The following DSG3 variants were observed in gnomAD, a reference collection of about 807,000 sequenced individuals.
DSG3 encodes desmoglein 3.
Under a neutral mutation model 85.9 loss-of-function variants are expected in DSG3, and 63 were observed. The ratio of observed to expected loss-of-function variants is 0.73; its 90% CI spans 0.60 to 0.90. DSG3 has a LOEUF of 0.90. DSG3 is among the 40% of genes least tolerant of loss of function. The probability of loss-of-function intolerance (pLI) is 0.00; values close to 1 mark genes in which losing one functional copy is unlikely to be tolerated. For missense variants in DSG3, 1,220 were observed against 1,219.9 expected (o/e 1.00, Z 0.00); for synonymous variants, 447 against 441.9 (o/e 1.01, Z -0.14).
chr18:31,476,165 A>T lies in DSG3; in HGVS notation c.2905A>T (p.Ile969Phe), dbSNP rs781097636. ...VIVTERVICP[I>F]SSVPGNLAGP... ...AGTGACAGAAAGGGTGATCTGTCCC[A>T]TTTCCAGTGTTCCTGGCAACCTAGC... is the stretch of plus-strand genomic sequence containing the variant. The change falls in exon 16 of 16, where the codon ATT becomes TTT. Residue 969 changes from isoleucine (I) to phenylalanine (F), a missense_variant. Coordinates refer to ENST00000257189, the MANE Select transcript of DSG3 (RefSeq NM_001944.3). The T allele has an allele frequency of 3.1e-6, 5 of 1,614,144 alleles. No homozygotes were observed. In the East Asian group the frequency reaches 1.1e-4, roughly 36 times the overall value.
At chr18:31,463,071 A>T (rs2072796016) in intron 8 of DSG3, among the ~76,000 whole-genome samples, 2 of 152,178 alleles carry the variant, frequency 1.3e-5, no homozygotes, top group African/African-American at 4.8e-5. Flanking sequence ...GCCCTTTAAG[A>T]TGAAATTCAC....
intron 12 of DSG3, among the ~76,000 whole-genome samples, chr18:31,470,108 CA>C (rs2072846851): frequency 6.6e-6 from 1 of 151,962 alleles, no homozygotes; most frequent in Non-Finnish European, 1.5e-5. Flanking sequence ...TCATATAAAT[CA>C]AATAGTATTT....
At chr18:31,472,595 G>A (rs1598786968) in intron 13 of DSG3, 130 bp from the exon 14 acceptor site, 1 of 1,264,082 alleles carries the variant, frequency 7.9e-7, no homozygotes, top group Non-Finnish European at 1.1e-6. Context: ...TCACAGAAAT[G>A]GTTATCGCTG....
At chr18:31,461,901 T>C (rs1208602383) in intron 8 of DSG3, among the ~76,000 whole-genome samples, 1 of 152,228 alleles carries the variant, frequency 6.6e-6, no homozygotes, top group Admixed American at 6.5e-5. Context: ...GAACAAAATC[T>C]GCAAAATAAA....
chr18:31,474,980 GGTAGA>G (rs1203008798), intron 15 of DSG3, among the ~76,000 whole-genome samples: 1 of 151,978 alleles, frequency 6.6e-6, no homozygotes, highest in African/African-American at 2.4e-5. Context: ...CTGAGAGAGG[GGTAGA>G]GTATTCACAT....
Position 31,460,837 on chromosome 18 carries a change from C to T in DSG3, c.689C>T (p.Ala230Val). Residue 230 changes from alanine (A) to valine (V), a missense_variant, in exon 7 of 16, where the codon GCT becomes GTT. By Grantham distance (64) the Ala-to-Val change is moderately conservative. Coordinates refer to ENST00000257189, the MANE Select transcript of DSG3 (RefSeq NM_001944.3). ...TTATTTTTTATCCAAAATTAGCAAGCTAGCAGCTATCGTCTGGTTGTGAGT... is the reference window on the plus strand; with the variant it reads ...TTATTTTTTATCCAAAATTAGCAAGTTAGCAGCTATCGTCTGGTTGTGAGT... Reference protein sequence around the residue: ...TLTNSLDREQASSYRLVVSGA... With the variant: ...TLTNSLDREQVSSYRLVVSGA... 5 of 1,575,808 alleles carry T rather than the reference C, an allele frequency of 3.2e-6. No homozygotes were observed. Among genetic ancestry groups the T allele is most frequent in the Non-Finnish European group, 4.3e-6 (5 of 1,168,412 alleles).
intron 4 of DSG3, 100 bp downstream of exon 4, chr18:31,458,700 A>G (rs2072764843): frequency 9.0e-6 from 12 of 1,326,450 alleles, no homozygotes; most frequent in African/African-American, 1.5e-5. Context: ...AGAGTTCAGT[A>G]CATGCATCAG....
chr18:31,450,939 T>A (rs1221219559), intron 1 of DSG3, among the ~76,000 whole-genome samples: 1 of 152,128 alleles, frequency 6.6e-6, no homozygotes, highest in Non-Finnish European at 1.5e-5. Flanking sequence ...TGTTAGTAAG[T>A]CAAGAAAGGG....
chr18:31,459,252 T>C (rs1469458239), intron 5 of DSG3, 75 bp downstream of exon 5: 6 of 1,346,500 alleles, frequency 4.5e-6, no homozygotes, highest in Non-Finnish European at 6.1e-6. Flanking sequence ...TATGTCATTC[T>C]TATAAACTAA....
At chr18:31,460,775 T>C (rs2072778837) in intron 6 of DSG3, 58 bp from the exon 7 acceptor site, 1 of 1,420,016 alleles carries the variant, frequency 7.0e-7, no homozygotes, top group East Asian at 2.6e-5. Context: ...AATCAAGTAG[T>C]TTCCATTTAT....
chr18:31,459,669 T>C (rs188223802), intron 5 of DSG3, among the ~76,000 whole-genome samples, 176 bp from the exon 6 acceptor site: 81 of 152,336 alleles, frequency 5.3e-4, no homozygotes, highest in African/African-American at 1.9e-3. Context: ...AGCACAGTTC[T>C]ACCTGGTTGG....
chr18:31,447,976 G>A, intron 1 of DSG3, 51 bp downstream of exon 1: 2 of 1,395,552 alleles, frequency 1.4e-6, no homozygotes, highest in Non-Finnish European at 9.7e-7. Context: ...TTCCTCCCTT[G>A]TTAAAGAATA....
chr18:31,449,511 T>C (rs7240892), intron 1 of DSG3, among the ~76,000 whole-genome samples: 58,992 of 151,928 alleles, frequency 0.39, 13,764 homozygotes, highest in African/African-American at 0.67. Context: ...TCTCAATTAC[T>C]CCTCTGATTC....
At chr18:31,454,509 A>G (rs1451424546) in intron 1 of DSG3, among the ~76,000 whole-genome samples, 1 of 152,216 alleles carries the variant, frequency 6.6e-6, no homozygotes, top group Non-Finnish European at 1.5e-5. Flanking sequence ...GAGTCCTGAC[A>G]TCTTATGTCT....
At chr18:31,449,041 G>T (rs1185375723) in intron 1 of DSG3, among the ~76,000 whole-genome samples, 1 of 152,038 alleles carries the variant, frequency 6.6e-6, no homozygotes. Flanking sequence ...GATTACAGGC[G>T]TGCACCACCA....
Position 31,464,222 on chromosome 18 carries a change from A to G in DSG3, c.1111A>G (p.Thr371Ala), listed in dbSNP as rs762944000. 2.5e-6 allele frequency: 4 copies of G among 1,614,200 alleles called. No individual in the cohort carries two copies. The highest frequency in any genetic ancestry group is 3.4e-6 in the Non-Finnish European group (4 of 1,180,024). Residue 371 changes from threonine to alanine, a missense_variant, in exon 9 of 16, where the codon ACA becomes GCA. By Grantham distance (58) the Thr-to-Ala change is moderately conservative (BLOSUM62 0). Coordinates refer to ENST00000257189, the MANE Select transcript of DSG3 (RefSeq NM_001944.3). ...SRYRVQSTPVTIQVINVREGI... is the reference protein window; with the variant it reads ...SRYRVQSTPVAIQVINVREGI... ...ATACCGAGTTCAGTCAACCCCAGTC[A>G]CAATTCAGGTAATAAATGTAAGAGA...
rs1190492031 is a variant in DSG3, at chr18:31,464,132, C to T, written c.1021C>T (p.Gln341Ter). The change falls in exon 9 of 16, where the codon CAA becomes TAA. Residue 341 changes from glutamine (Q) to a stop codon, truncating the protein, a stop_gained. Transcript: ENST00000257189. LOFTEE classifies it high-confidence loss of function. ...VVKALDYEQL[Q>*]SVKLSIAVKN... ...CCAGGCTCTAGATTATGAACAACTA[C>T]AAAGCGTGAAACTTAGTATTGCTGT... 6.2e-7 allele frequency: 1 copy of T among 1,613,686 alleles called. No homozygotes were observed. Among genetic ancestry groups the T allele is most frequent in the East Asian group, 2.2e-5 (1 of 44,864 alleles).
At chr18:31,458,768 C>CA in intron 4 of DSG3, among the ~76,000 whole-genome samples, 168 bp downstream of exon 4, 1 of 152,284 alleles carries the variant, frequency 6.6e-6, no homozygotes, top group East Asian at 1.9e-4. Flanking sequence ...GGGAACACAG[C>CA]AGAGGGTGCA....
At chr18:31,461,096 A>G in intron 7 of DSG3, 131 bp from the exon 8 acceptor site, 1 of 1,254,798 alleles carries the variant, frequency 8.0e-7, no homozygotes, top group South Asian at 1.7e-5. Context: ...CTTTTTAAAA[A>G]ATATAAGAAT....
Sources: allele counts gnomAD v4.1 joint callset (sites outside exome capture counted in the v4.1 genomes callset), GRCh38; gene constraint gnomAD v4.1.1; transcripts MANE v1.5; gene names NCBI Gene and HGNC (gene_info 2026-07-23, HGNC 2026-07-21).